KALRN: variants seen among roughly 807,000 people sequenced by gnomAD.
The protein encoded by KALRN is kalirin.
Under a neutral mutation model 353.7 loss-of-function variants are expected in KALRN, and 70 were observed. The observed-to-expected ratio is 0.20, with a 90% CI of 0.16 to 0.24. KALRN has a LOEUF of 0.24. Ranked by LOEUF, KALRN falls within the 10% of genes least tolerant of loss-of-function variation. The pLI is 1.00. For synonymous variants in KALRN, 1,391 were observed against 1,434.8 expected (o/e 0.97, Z 0.69); for missense variants, 2,791 against 3,756.7 (o/e 0.74, Z 6.72).
chr3:124,130,676 A>G (rs1234094816), intron 1 of KALRN, among the ~76,000 whole-genome samples: 2 of 152,224 alleles, frequency 1.3e-5, no homozygotes, highest in Non-Finnish European at 1.5e-5. Context: ...AAGCATGTAC[A>G]AGAATGTTCA....
At chr3:124,370,334 C>T (rs945716426) in intron 10 of KALRN, among the ~76,000 whole-genome samples, 6 of 152,080 alleles carry the variant, frequency 3.9e-5, no homozygotes, top group East Asian at 1.9e-4. Flanking sequence ...AAAAAATAAC[C>T]GTATTTAGCT....
intron 1 of KALRN, among the ~76,000 whole-genome samples, chr3:124,214,213 A>G (rs1354858214): frequency 6.6e-6 from 1 of 152,170 alleles, no homozygotes; most frequent in African/African-American, 2.4e-5. Context: ...ATGGTTGTAC[A>G]TAACTATTTT....
At chr3:124,209,755 A>G (rs2076744674) in intron 1 of KALRN, among the ~76,000 whole-genome samples, 1 of 152,222 alleles carries the variant, frequency 6.6e-6, no homozygotes, top group Non-Finnish European at 1.5e-5. Context: ...GCAAAATTCT[A>G]GAATCTTAAC....
Position 124,725,112 on chromosome 3 carries a change from A to G in KALRN, c.*5642A>G, listed in dbSNP as rs1391852485. On this transcript the variant is annotated 3_prime_UTR_variant, in exon 60 of 60. Transcript: ENST00000682506. ...ATTTGTTGGCCCAGGGATGGCCATC[A>G]TATGAGTTTCCATCAATACCTGACT... 6 of 152,242 alleles carry G rather than the reference A, an allele frequency of 3.9e-5. No individual in the cohort carries two copies. The East Asian group carries it at 1.2e-3, about 29-fold the overall frequency. The allele number at this position is 152,242 out of a possible 1,614,324, so 9.4% of individuals were successfully genotyped here.
chr3:124,104,931 T>G (rs1430892669), intron 1 of KALRN, among the ~76,000 whole-genome samples: 1 of 151,922 alleles, frequency 6.6e-6, no homozygotes, highest in Admixed American at 6.6e-5. Context: ...TTGAAGGGGA[T>G]GGATAGCTAA....
At chr3:124,385,632 A>G (rs1311640977) in intron 11 of KALRN, among the ~76,000 whole-genome samples, 1 of 152,174 alleles carries the variant, frequency 6.6e-6, no homozygotes, top group African/African-American at 2.4e-5. Context: ...GATGCCCTCC[A>G]CCAAGGAAGC....
At chr3:124,596,038 AT>A (rs1329516067) in intron 34 of KALRN, among the ~76,000 whole-genome samples, 1 of 152,234 alleles carries the variant, frequency 6.6e-6, no homozygotes, top group African/African-American at 2.4e-5. Flanking sequence ...AGATAGAATG[AT>A]TCTACAAATA....
At chr3:124,677,630 TTTA>T in intron 49 of KALRN, 1 of 456,040 alleles carries the variant, frequency 2.2e-6, no homozygotes, top group Non-Finnish European at 4.4e-6. Context: ...TGCTCAACTG[TTTA>T]TTAAGCAAAT....
At chr3:124,628,997 C>T (rs2080433746) in intron 34 of KALRN, among the ~76,000 whole-genome samples, 2 of 152,132 alleles carry the variant, frequency 1.3e-5, no homozygotes, top group Admixed American at 1.3e-4. Flanking sequence ...AGGGCAAAGT[C>T]ATTATAGGAA....
At chr3:124,155,744 G>A (rs1170121641) in intron 1 of KALRN, among the ~76,000 whole-genome samples, 1 of 152,100 alleles carries the variant, frequency 6.6e-6, no homozygotes, top group African/African-American at 2.4e-5. Context: ...TTATTACTTT[G>A]TCTAATACCA....
At chr3:124,431,111 T>C (rs1205916009) in intron 16 of KALRN, among the ~76,000 whole-genome samples, 1 of 152,230 alleles carries the variant, frequency 6.6e-6, no homozygotes, top group Non-Finnish European at 1.5e-5. Flanking sequence ...AAACTAAAAG[T>C]TTAGAAGTCA....
At chr3:124,707,543 TG>T (rs1157698591) in intron 57 of KALRN, among the ~76,000 whole-genome samples, 4 of 152,004 alleles carry the variant, frequency 2.6e-5, no homozygotes, top group African/African-American at 9.7e-5. Flanking sequence ...GATACAAGTG[TG>T]GGCCAAATCA....
chr3:124,256,049 G>A (rs2071925931), intron 3 of KALRN, among the ~76,000 whole-genome samples: 1 of 152,138 alleles, frequency 6.6e-6, no homozygotes, highest in Non-Finnish European at 1.5e-5. Context: ...TTAACCCTGT[G>A]GTCAGATGAT....
intron 36 of KALRN, 79 bp from the exon 37 acceptor site, chr3:124,637,129 G>A: frequency 8.4e-7 from 1 of 1,196,648 alleles, no homozygotes; most frequent in African/African-American, 1.5e-5. Context: ...TTGAGCTTTG[G>A]ACTTTCTGTT....
At chr3:124,609,336 G>T (rs570796389) in intron 34 of KALRN, among the ~76,000 whole-genome samples, 143 of 152,192 alleles carry the variant, frequency 9.4e-4, no homozygotes, top group South Asian at 5.4e-3. Flanking sequence ...GAAATGGGTG[G>T]GTGATGTTAT....
rs988552298 is a variant in KALRN at position 124,702,198 on chromosome 3, TG to T, written c.8075+83del. 4.9e-6 allele frequency: 4 copies of T among 822,568 alleles called. No individual in the cohort carries two copies. The African/African-American group carries it at 5.1e-5, about 10-fold the overall frequency. 51.0% of individuals were successfully genotyped at this position (822,568 alleles called of 1,614,324 possible). A position where few individuals can be genotyped will look rare whatever the true frequency, so the allele number is the denominator to read the frequency against. Reference sequence around the variant, plus strand: ...AACAGTAACTTTTTGTTGTTGTCATTGTTTATTTCTTTTACAAATGCAATTC... The same window carrying T: ...AACAGTAACTTTTTGTTGTTGTCATTTTTATTTCTTTTACAAATGCAATTC... On this transcript the variant is annotated intron_variant, in intron 57 of 59. Transcript: ENST00000682506.
chr3:124,587,575 C>G (rs2075322401), intron 34 of KALRN, among the ~76,000 whole-genome samples: 1 of 152,016 alleles, frequency 6.6e-6, no homozygotes, highest in Non-Finnish European at 1.5e-5. Flanking sequence ...GATAAAGTAC[C>G]TGTGTGGTCT....
chr3:124,173,982 T>C (rs931678257), intron 1 of KALRN, among the ~76,000 whole-genome samples: 2 of 152,180 alleles, frequency 1.3e-5, no homozygotes, highest in Non-Finnish European at 2.9e-5. Flanking sequence ...CCCATCAGGA[T>C]AGACTGGGAT....
At chr3:124,350,740 T>C in intron 10 of KALRN, among the ~76,000 whole-genome samples, 1 of 152,232 alleles carries the variant, frequency 6.6e-6, no homozygotes, top group East Asian at 1.9e-4. Flanking sequence ...TGCTTTCTGA[T>C]AAGACTGTAT....
Sources: allele counts gnomAD v4.1 joint callset (sites outside exome capture counted in the v4.1 genomes callset), GRCh38; gene constraint gnomAD v4.1.1; transcripts MANE v1.5; gene names NCBI Gene and HGNC (gene_info 2026-07-23, HGNC 2026-07-21).